Variants in PDZRN3 observed in about 807,000 individuals in gnomAD.
PDZRN3 encodes the protein E3 ubiquitin-protein ligase PDZRN3.
PDZRN3 carries 38 observed loss-of-function variants against 85.7 expected under a neutral mutation model. That is an observed-to-expected ratio of 0.44 (90% CI 0.34 to 0.58). The LOEUF (loss-of-function observed/expected upper bound fraction) is 0.58, where lower values mean the gene tolerates loss of function less well. PDZRN3 is among the 20% of genes least tolerant of loss of function. The pLI is 0.01. For missense variants in PDZRN3, 1,629 were observed against 1,506.4 expected (o/e 1.08, Z -1.35); for synonymous variants, 759 against 638.0 (o/e 1.19, Z -2.86).
intron 3 of PDZRN3, among the ~76,000 whole-genome samples, chr3:73,472,900 C>T (rs960503193): frequency 4.6e-5 from 7 of 152,218 alleles, no homozygotes; most frequent in African/African-American, 1.4e-4. Context: ...TTACTATTCA[C>T]TTTCCAATAC....
At chr3:73,434,282 AAT>A (rs1702489572) in intron 3 of PDZRN3, among the ~76,000 whole-genome samples, 1 of 152,228 alleles carries the variant, frequency 6.6e-6, no homozygotes, top group Non-Finnish European at 1.5e-5. Context: ...TTCATTTTTA[AAT>A]ATATCATAAA....
intron 3 of PDZRN3, among the ~76,000 whole-genome samples, chr3:73,447,769 CA>C (rs1426672122): frequency 7.9e-5 from 12 of 152,200 alleles, no homozygotes; most frequent in Non-Finnish European, 1.6e-4. Context: ...TTCTGTTAAC[CA>C]TGTTGATGTT....
intron 3 of PDZRN3, among the ~76,000 whole-genome samples, chr3:73,530,349 C>G (rs1279561848): frequency 6.6e-6 from 1 of 152,162 alleles, no homozygotes; most frequent in Non-Finnish European, 1.5e-5. Context: ...GACAAAACCA[C>G]GATTATGTAC....
chr3:73,413,489 G>T (rs1045855289), intron 3 of PDZRN3, among the ~76,000 whole-genome samples: 1 of 152,210 alleles, frequency 6.6e-6, no homozygotes, highest in African/African-American at 2.4e-5. Context: ...GAATAAGGAT[G>T]TCACTGGTGA....
At chr3:73,492,272 C>CGA (rs1703785531) in intron 3 of PDZRN3, among the ~76,000 whole-genome samples, 1 of 152,128 alleles carries the variant, frequency 6.6e-6, no homozygotes, top group African/African-American at 2.4e-5. Flanking sequence ...TGTGGATGTG[C>CGA]AGGCAGCTGT....
chr3:73,604,230 C>T (rs1413573056), intron 2 of PDZRN3, among the ~76,000 whole-genome samples: 1 of 152,186 alleles, frequency 6.6e-6, no homozygotes, highest in Non-Finnish European at 1.5e-5. Context: ...TGAACACATC[C>T]GTGTAGCTCC....
chr3:73,611,697 G>A (rs1221495844), intron 1 of PDZRN3, among the ~76,000 whole-genome samples: 1 of 152,194 alleles, frequency 6.6e-6, no homozygotes, highest in African/African-American at 2.4e-5. Context: ...GCTATTCTTT[G>A]ACAACGTGAT....
At chr3:73,416,204 A>T (rs1702079134) in intron 3 of PDZRN3, among the ~76,000 whole-genome samples, 2 of 152,126 alleles carry the variant, frequency 1.3e-5, no homozygotes, top group South Asian at 4.1e-4. Context: ...AGCGCTCCAG[A>T]AAGTAAGTGA....
chr3:73,547,083 A>G (rs1701440428), intron 3 of PDZRN3, among the ~76,000 whole-genome samples: 1 of 151,974 alleles, frequency 6.6e-6, no homozygotes, highest in Non-Finnish European at 1.5e-5. Context: ...AATTCCTTCC[A>G]CCCCACTCAC....
chr3:73,541,995 C>T (rs1704935461), intron 3 of PDZRN3, among the ~76,000 whole-genome samples: 1 of 152,020 alleles, frequency 6.6e-6, no homozygotes, highest in African/African-American at 2.4e-5. Flanking sequence ...ATTCTAGACC[C>T]CGAGCTACTG....
At chr3:73,452,472 T>C (rs1559686951) in intron 3 of PDZRN3, among the ~76,000 whole-genome samples, 1 of 152,120 alleles carries the variant, frequency 6.6e-6, no homozygotes, top group Admixed American at 6.5e-5. Context: ...GGTAATTCCA[T>C]TTAAATTTGC....
chr3:73,574,463 G>GGT (rs112888737), intron 3 of PDZRN3, among the ~76,000 whole-genome samples: 23,748 of 141,578 alleles, frequency 0.17, 2,399 homozygotes, highest in African/African-American at 0.26. Flanking sequence ...GGGGTGGGGG[G>GGT]GGTGGGGAGG....
intron 6 of PDZRN3, 63 bp downstream of exon 6, chr3:73,390,955 A>G: frequency 4.7e-6 from 4 of 854,620 alleles, no homozygotes; most frequent in South Asian, 3.0e-5. Context: ...GTTGGTGAAC[A>G]TGAAAAAAAA....
At chr3:73,622,285 G>T (rs550978806) in intron 1 of PDZRN3, among the ~76,000 whole-genome samples, 3 of 152,218 alleles carry the variant, frequency 2.0e-5, no homozygotes, top group Non-Finnish European at 4.4e-5. Flanking sequence ...GGCCAGGAAG[G>T]GGGGCCAGGT....
At chr3:73,431,411 C>T (rs1301031679) in intron 3 of PDZRN3, among the ~76,000 whole-genome samples, 2 of 152,138 alleles carry the variant, frequency 1.3e-5, no homozygotes, top group Non-Finnish European at 2.9e-5. Context: ...AAAGTCTGAG[C>T]CCTGGAATAT....
chr3:73,550,037 C>T (rs1172480318), intron 3 of PDZRN3, among the ~76,000 whole-genome samples: 1 of 152,174 alleles, frequency 6.6e-6, no homozygotes, highest in East Asian at 1.9e-4. Context: ...TGCCTATGAA[C>T]CGGGAAGCAT....
At chr3:73,389,720 C>A (rs1219456526) in intron 7 of PDZRN3, 96 bp downstream of exon 7, 4 of 885,052 alleles carry the variant, frequency 4.5e-6, no homozygotes, top group Non-Finnish European at 7.6e-6. Context: ...TGTTCTTTAA[C>A]CGCTTCTGCA....
At chr3:73,540,974 T>C (rs752276154) in intron 3 of PDZRN3, among the ~76,000 whole-genome samples, 8 of 152,202 alleles carry the variant, frequency 5.3e-5, no homozygotes. Context: ...TACCTTACTG[T>C]TACAAATGAC....
chr3:73,447,051 A>ATATG (rs963089252), intron 3 of PDZRN3, among the ~76,000 whole-genome samples: 8 of 145,022 alleles, frequency 5.5e-5, no homozygotes, highest in African/African-American at 2.0e-4. Flanking sequence ...CTATATATAT[A>ATATG]TATATAAAGA....
Sources: allele counts gnomAD v4.1 joint callset (sites outside exome capture counted in the v4.1 genomes callset), GRCh38; gene constraint gnomAD v4.1.1; transcripts MANE v1.5; gene names NCBI Gene and HGNC (gene_info 2026-07-23, HGNC 2026-07-21).